ADAM2: variants seen among roughly 807,000 people sequenced by gnomAD.
The protein encoded by ADAM2 is disintegrin and metalloproteinase domain-containing protein 2.
In ADAM2, 101 loss-of-function variants were observed where a neutral mutation model predicts 99.3. The ratio of observed to expected loss-of-function variants is 1.02; its 90% CI spans 0.87 to 1.20. The LOEUF (loss-of-function observed/expected upper bound fraction) is 1.20, where lower values mean the gene tolerates loss of function less well. Ranked by LOEUF, ADAM2 falls within the 50% of genes most tolerant of loss-of-function variation. The pLI, the probability that ADAM2 is intolerant of heterozygous loss-of-function variation, is 0.00. For synonymous variants in ADAM2, 323 were observed against 287.6 expected (o/e 1.12, Z -1.25); for missense variants, 948 against 878.7 (o/e 1.08, Z -1.00).
rs1280045198 is a variant in ADAM2 at position 39,838,154 on chromosome 8, A to G, written c.32T>C (p.Leu11Pro). 6.2e-7 allele frequency: 1 copy of G among 1,613,974 alleles called. No individual in the cohort carries two copies. The highest frequency in any genetic ancestry group is 1.7e-5 in the Admixed American group (1 of 59,994). The change falls in exon 1 of 21, where the codon CTC becomes CCC. Residue 11 changes from leucine to proline, a missense_variant. Physicochemically the swap from Leu to Pro is moderately conservative, Grantham distance 98. Coordinates refer to ENST00000265708, the MANE Select transcript of ADAM2 (RefSeq NM_001464.5). MWRVLFLLSG[L>P]GGLRMDSNFD... ...ACTACTGTCCATCCGCAGCCCGCCG[A>G]GCCCGCTGAGCAGAAACAAGACGCG... is the stretch of plus-strand genomic sequence containing the variant.
chr8:39,828,939 C>T (rs1245434700), intron 3 of ADAM2, among the ~76,000 whole-genome samples: 2 of 151,552 alleles, frequency 1.3e-5, no homozygotes, highest in Non-Finnish European at 3.0e-5. Flanking sequence ...GACAAATAGA[C>T]CAAAAAGTTT....
chr8:39,829,848 ATTAAT>A (rs1363868608), intron 3 of ADAM2, among the ~76,000 whole-genome samples: 2 of 152,100 alleles, frequency 1.3e-5, no homozygotes, highest in Non-Finnish European at 2.9e-5. Context: ...CCTCACAAAC[ATTAAT>A]TTGAGTGACT....
intron 2 of ADAM2, among the ~76,000 whole-genome samples, chr8:39,835,776 T>G (rs1805798250): frequency 6.6e-6 from 1 of 152,094 alleles, no homozygotes; most frequent in South Asian, 2.1e-4. Context: ...AGTTTCATAT[T>G]ATGTTTATAG....
intron 12 of ADAM2, 151 bp from the exon 13 acceptor site, chr8:39,767,402 C>A: frequency 1.4e-6 from 1 of 693,240 alleles, no homozygotes; most frequent in South Asian, 1.8e-5. Context: ...TATTCATTTA[C>A]TTAACAGACA....
At chr8:39,809,489 C>A in intron 6 of ADAM2, 23 bp from the exon 7 acceptor site, 1 of 1,197,538 alleles carries the variant, frequency 8.4e-7, no homozygotes, top group East Asian at 2.4e-5. Context: ...ACAAATTTTA[C>A]ATCAAAATTA....
chr8:39,770,437 A>G (rs1406356255), intron 11 of ADAM2, among the ~76,000 whole-genome samples: 1 of 152,118 alleles, frequency 6.6e-6, no homozygotes, highest in Admixed American at 6.6e-5. Context: ...CACCTTAAAT[A>G]TAAATTCCCA....
chr8:39,766,858 T>C lies in ADAM2; in HGVS notation c.1497A>G (p.Thr499=). 7.0e-6 allele frequency: 11 copies of C among 1,580,700 alleles called. No individual in the cohort carries two copies. The highest frequency in any genetic ancestry group is 9.5e-6 in the Non-Finnish European group (11 of 1,159,090). The change falls in exon 14 of 21, where the codon ACA becomes ACG. Residue 499 remains threonine, a synonymous_variant. Coordinates refer to ENST00000265708, the MANE Select transcript of ADAM2 (RefSeq NM_001464.5). ...CMSGDKQCTD[T]FGKEVEFGPS... ...AATGATAATAAATACCTTTGCCAAA[T>C]GTGTCTGTACATTGTTTATCCCCAC...
intron 7 of ADAM2, among the ~76,000 whole-genome samples, chr8:39,807,669 C>T (rs1458770818): frequency 6.6e-6 from 1 of 152,068 alleles, no homozygotes; most frequent in African/African-American, 2.4e-5. Flanking sequence ...GAAGACAGCC[C>T]TCACCAGAAT....
chr8:39,788,306 G>A, intron 8 of ADAM2, 55 bp from the exon 9 acceptor site: 1 of 1,153,274 alleles, frequency 8.7e-7, no homozygotes, highest in South Asian at 2.1e-5. Flanking sequence ...TTAAAAATTA[G>A]ATATATATGT....
At chr8:39,793,042 C>G (rs1803787525) in intron 7 of ADAM2, among the ~76,000 whole-genome samples, 1 of 151,994 alleles carries the variant, frequency 6.6e-6, no homozygotes, top group Non-Finnish European at 1.5e-5. Flanking sequence ...AGGTATCCTC[C>G]CTCCCTGCAC....
chr8:39,832,141 C>T (rs1007793533), intron 3 of ADAM2, among the ~76,000 whole-genome samples: 1 of 152,112 alleles, frequency 6.6e-6, no homozygotes, highest in Admixed American at 6.6e-5. Context: ...TCAAGGACAC[C>T]TTGTGCAATG....
chr8:39,816,753 G>C lies in ADAM2; in HGVS notation c.513+4249C>G, dbSNP rs562027114. ...CTATATCTATGACAATAGATTTGTA[G>C]TTTCCCGGGAAGACAGGGGAATGAA... On this transcript the variant is annotated intron_variant, in intron 6 of 20. Transcript: ENST00000265708. Among the ~76,000 whole-genome samples the C allele has an allele frequency of 1.2e-3, 187 of 152,340 alleles. 1 individual carries two copies. The highest frequency in any genetic ancestry group is 3.2e-3 in the Admixed American group (49 of 15,298).
intron 6 of ADAM2, chr8:39,817,772 AAAG>A (rs1222020224): frequency 6.6e-6 from 1 of 152,048 alleles, no homozygotes; most frequent in African/African-American, 2.4e-5. Context: ...CAGAAATGAA[AAAG>A]AAGATTACTA....
intron 7 of ADAM2, among the ~76,000 whole-genome samples, chr8:39,791,786 T>G (rs752848354): frequency 1.2e-4 from 19 of 152,180 alleles, no homozygotes; most frequent in Non-Finnish European, 2.4e-4. Context: ...GGGATTTTGT[T>G]TCTCTCCTCC....
intron 18 of ADAM2, among the ~76,000 whole-genome samples, chr8:39,748,754 C>T (rs772720928): frequency 1.1e-4 from 16 of 152,168 alleles, no homozygotes; most frequent in South Asian, 1.0e-3. Flanking sequence ...CTGGAGGATT[C>T]GAAGAGTAAA....
At chr8:39,783,944 C>T (rs903605539) in intron 10 of ADAM2, among the ~76,000 whole-genome samples, 12 of 141,818 alleles carry the variant, frequency 8.5e-5, no homozygotes, top group African/African-American at 2.7e-4. Context: ...GACTCTGTCT[C>T]GAAAAGAAAA....
At chr8:39,827,026 T>C (rs2129588752) in intron 3 of ADAM2, among the ~76,000 whole-genome samples, 1 of 150,460 alleles carries the variant, frequency 6.6e-6, no homozygotes, top group African/African-American at 2.4e-5. Flanking sequence ...ATCCAAAATG[T>C]ATAGGAATAC....
chr8:39,792,213 G>A (rs1803745158), intron 7 of ADAM2, among the ~76,000 whole-genome samples: 1 of 151,142 alleles, frequency 6.6e-6, no homozygotes, highest in Non-Finnish European at 1.5e-5. Flanking sequence ...TATGTTCCTG[G>A]AAGCTGTAAA....
chr8:39,757,651 G>A (rs557198846), intron 15 of ADAM2, among the ~76,000 whole-genome samples: 6 of 152,210 alleles, frequency 3.9e-5, no homozygotes, highest in South Asian at 2.1e-4. Context: ...GAGGCATAAC[G>A]AAATGAACAA....
Sources: gnomAD v4.1 joint callset for allele counts (sites outside exome capture counted in the v4.1 genomes callset) on GRCh38, gnomAD v4.1.1 for gene constraint, MANE v1.5 for transcripts, NCBI Gene and HGNC (gene_info 2026-07-23, HGNC 2026-07-21) for gene names.